RARB: variants seen among roughly 807,000 people sequenced by gnomAD.
The protein encoded by RARB is retinoic acid receptor beta, also known as HBV-activated protein.
Under a neutral mutation model 51.9 loss-of-function variants are expected in RARB, and 17 were observed. The ratio of observed to expected loss-of-function variants is 0.33; its 90% CI spans 0.22 to 0.49. The LOEUF is 0.49. Ranked by LOEUF, RARB falls within the 20% of genes least tolerant of loss-of-function variation. The probability of loss-of-function intolerance (pLI) is 0.99; values close to 1 mark genes in which losing one functional copy is unlikely to be tolerated. For synonymous variants in RARB, 215 were observed against 195.4 expected (o/e 1.10, Z -0.84); for missense variants, 369 against 550.8 (o/e 0.67, Z 3.30).
chr3:25,331,905 A>C (rs1416426343), intron 5 of RARB, among the ~76,000 whole-genome samples: 3 of 152,242 alleles, frequency 2.0e-5, no homozygotes, highest in Non-Finnish European at 4.4e-5. Flanking sequence ...ACCTCTATGC[A>C]AATAAACTAG....
At chr3:25,491,767 C>T (rs1049215835) in intron 2 of RARB, among the ~76,000 whole-genome samples, 3 of 152,152 alleles carry the variant, frequency 2.0e-5, no homozygotes, top group Admixed American at 2.0e-4. Context: ...ATGGTGAAAC[C>T]CTGTGTCTAC....
chr3:25,015,243 C>T (rs1372695360), intron 2 of RARB, among the ~76,000 whole-genome samples: 1 of 152,058 alleles, frequency 6.6e-6, no homozygotes, highest in Non-Finnish European at 1.5e-5. Flanking sequence ...TCAAAAAGCA[C>T]AGAAGGAAAT....
intron 5 of RARB, among the ~76,000 whole-genome samples, chr3:25,215,193 A>G (rs1701800650): frequency 1.3e-5 from 2 of 152,216 alleles, no homozygotes; most frequent in Non-Finnish European, 1.5e-5. Context: ...CCTGGGCAGC[A>G]GTTTATCTGA....
intron 2 of RARB, among the ~76,000 whole-genome samples, chr3:24,875,176 T>G (rs1182083049): frequency 6.6e-6 from 1 of 152,178 alleles, no homozygotes; most frequent in Non-Finnish European, 1.5e-5. Context: ...TTTAAACTTT[T>G]GGAATCATTT....
chr3:25,172,761 T>C (rs1700669070), intron 4 of RARB, among the ~76,000 whole-genome samples: 1 of 152,258 alleles, frequency 6.6e-6, no homozygotes, highest in South Asian at 2.1e-4. Context: ...TATGTTAATG[T>C]TAATAGAAAC....
At chr3:24,979,423 G>C (rs920915353) in intron 2 of RARB, among the ~76,000 whole-genome samples, 5 of 152,124 alleles carry the variant, frequency 3.3e-5, no homozygotes, top group Admixed American at 2.6e-4. Context: ...GGATGCTCTT[G>C]TATTACATGC....
At chr3:24,840,742 T>TAAAAAAAAAAAAAA (rs55771334) in intron 1 of RARB, among the ~76,000 whole-genome samples, 2 of 70,342 alleles carry the variant, frequency 2.8e-5, no homozygotes, top group Middle Eastern at 8.9e-3. Flanking sequence ...TGAGTAAGAG[T>TAAAAAAAAAAAAAA]AAAAAAAAAA....
At chr3:25,383,400 T>G (rs1706688536) in intron 5 of RARB, among the ~76,000 whole-genome samples, 1 of 152,164 alleles carries the variant, frequency 6.6e-6, no homozygotes. Flanking sequence ...AAAAGATGAT[T>G]TGCTTATTAG....
At chr3:24,902,044 T>C (rs907218641) in intron 2 of RARB, among the ~76,000 whole-genome samples, 5 of 151,546 alleles carry the variant, frequency 3.3e-5, no homozygotes, top group Non-Finnish European at 4.4e-5. Flanking sequence ...AAAACATACA[T>C]AAGGAAAGAA....
At chr3:25,174,468 C>A in exon 5 of RARB, 14 of 1,352,132 alleles carry the variant, frequency 1.0e-5, no homozygotes, top group Non-Finnish European at 1.4e-5. Context: ...CCAGCCACAC[C>A]CTACCCGTTA....
At chr3:25,305,831 A>G (rs1356603718) in intron 5 of RARB, among the ~76,000 whole-genome samples, 1 of 152,248 alleles carries the variant, frequency 6.6e-6, no homozygotes, top group Non-Finnish European at 1.5e-5. Flanking sequence ...TATTAGTGGT[A>G]TAACTCAAGA....
chr3:25,372,548 G>C, intron 5 of RARB, among the ~76,000 whole-genome samples: 1 of 152,218 alleles, frequency 6.6e-6, no homozygotes, highest in Admixed American at 6.5e-5. Flanking sequence ...TGAGCTGGGT[G>C]CGGTGGCTCA....
chr3:25,177,323 T>A (rs1700774545), intron 5 of RARB, among the ~76,000 whole-genome samples: 1 of 152,216 alleles, frequency 6.6e-6, no homozygotes, highest in African/African-American at 2.4e-5. Flanking sequence ...TTTATCCATG[T>A]ACTGAGATTA....
Position 25,398,067 on chromosome 3 carries a change from T to C in RARB, c.179-63126T>C, listed in dbSNP as rs180700369. ...CTAATTTGGGGATTTGGATATGATA[T>C]ATTTTTACATGAAATTTGTTTTTAT... On this transcript the variant is annotated intron_variant, in intron 5 of 11. Transcript: ENST00000383772. 2.1e-4 allele frequency among the ~76,000 whole-genome samples: 32 copies of C among 152,290 alleles called. 1 individual carries two copies. Among genetic ancestry groups the C allele is most frequent in the African/African-American group, 7.0e-4 (29 of 41,570 alleles).
At chr3:25,339,713 G>A (rs1483832) in intron 5 of RARB, among the ~76,000 whole-genome samples, 149,727 of 152,064 alleles carry the variant, frequency 0.98, 73,718 homozygotes, top group East Asian at 1. Context: ...TGTTATAGCC[G>A]TGGTTTGGAT....
intron 2 of RARB, among the ~76,000 whole-genome samples, chr3:24,932,848 C>T (rs929995437): frequency 2.0e-5 from 3 of 152,008 alleles, no homozygotes; most frequent in Non-Finnish European, 2.9e-5. Context: ...CATGGAGGTG[C>T]TAATCTCTGT....
intron 5 of RARB, among the ~76,000 whole-genome samples, chr3:25,200,879 A>T (rs528922730): frequency 6.6e-6 from 1 of 151,990 alleles, no homozygotes; most frequent in East Asian, 1.9e-4. Context: ...GTAGCATGAT[A>T]CCTCCAGCTT....
At chr3:25,477,935 T>G (rs1341284207) in intron 2 of RARB, among the ~76,000 whole-genome samples, 2 of 152,218 alleles carry the variant, frequency 1.3e-5, no homozygotes, top group African/African-American at 4.8e-5. Flanking sequence ...GTATTGGAGT[T>G]GTCTTCAGTT....
At chr3:25,288,465 A>C (rs370339809) in intron 5 of RARB, among the ~76,000 whole-genome samples, 16 of 152,286 alleles carry the variant, frequency 1.1e-4, no homozygotes, top group African/African-American at 3.8e-4. Context: ...TTGGTGCAGA[A>C]CGTTCTTGGT....
Sources: allele counts gnomAD v4.1 joint callset (sites outside exome capture counted in the v4.1 genomes callset), GRCh38; gene constraint gnomAD v4.1.1; transcripts MANE v1.5; gene names NCBI Gene and HGNC (gene_info 2026-07-23, HGNC 2026-07-21).